The following NLGN1 variants were observed in gnomAD, a reference collection of about 807,000 sequenced individuals.
The protein encoded by NLGN1 is neuroligin-1.
Under a neutral mutation model 65.5 loss-of-function variants are expected in NLGN1, and 12 were observed. The observed-to-expected ratio is 0.18, with a 90% confidence interval of 0.12 to 0.30. The LOEUF (loss-of-function observed/expected upper bound fraction) is 0.30, where lower values mean the gene tolerates loss of function less well. NLGN1 is among the 10% of genes least tolerant of loss of function. The pLI, the probability that NLGN1 is intolerant of heterozygous loss-of-function variation, is 1.00. For synonymous variants in NLGN1, 350 were observed against 359.5 expected (o/e 0.97, Z 0.30); for missense variants, 750 against 1,007.1 (o/e 0.74, Z 3.46).
At chr3:174,238,740 G>A (rs990681314) in intron 4 of NLGN1, among the ~76,000 whole-genome samples, 8 of 152,094 alleles carry the variant, frequency 5.3e-5, no homozygotes, top group African/African-American at 1.9e-4. Flanking sequence ...TTATGACTTT[G>A]AACCCAATTT....
chr3:173,770,710 C>A (rs1779452959), intron 3 of NLGN1, among the ~76,000 whole-genome samples: 1 of 152,072 alleles, frequency 6.6e-6, no homozygotes, highest in Non-Finnish European at 1.5e-5. Context: ...AATGTATCGA[C>A]CTTTCAAAGT....
At chr3:173,640,500 C>CA (rs1242095280) in intron 3 of NLGN1, among the ~76,000 whole-genome samples, 1 of 152,058 alleles carries the variant, frequency 6.6e-6, no homozygotes, top group Non-Finnish European at 1.5e-5. Context: ...CAAAATACTT[C>CA]AATGCGTATC....
At chr3:174,019,154 A>G (rs577245612) in intron 4 of NLGN1, among the ~76,000 whole-genome samples, 1 of 152,304 alleles carries the variant, frequency 6.6e-6, no homozygotes, top group Non-Finnish European at 1.5e-5. Context: ...GTGTATTGAT[A>G]TACTACATAA....
intron 4 of NLGN1, among the ~76,000 whole-genome samples, chr3:174,197,534 A>C (rs1038233670): frequency 6.6e-6 from 1 of 151,086 alleles, no homozygotes; most frequent in Admixed American, 6.6e-5. Flanking sequence ...AAAAAAAAAA[A>C]AAAGGAGAAT....
At chr3:173,624,515 T>C (rs1577597957) in intron 3 of NLGN1, among the ~76,000 whole-genome samples, 1 of 152,122 alleles carries the variant, frequency 6.6e-6, no homozygotes, top group African/African-American at 2.4e-5. Flanking sequence ...CCTCCTACAA[T>C]GAATTAAGGA....
At chr3:173,755,534 A>G (rs1321486810) in intron 3 of NLGN1, among the ~76,000 whole-genome samples, 1 of 152,134 alleles carries the variant, frequency 6.6e-6, no homozygotes, top group East Asian at 1.9e-4. Context: ...CATGTGACTT[A>G]TAGATGCTGG....
At chr3:174,076,679 T>TAGAGAGAG (rs3979619) in intron 4 of NLGN1, among the ~76,000 whole-genome samples, 224 of 92,888 alleles carry the variant, frequency 2.4e-3, no homozygotes, top group African/African-American at 4.1e-3. Flanking sequence ...TCTGGGACCA[T>TAGAGAGAG]AGAGAGAGAG....
chr3:174,167,856 A>G (rs2152729123), intron 4 of NLGN1, among the ~76,000 whole-genome samples: 1 of 152,054 alleles, frequency 6.6e-6, no homozygotes, highest in South Asian at 2.1e-4. Context: ...CAGGTTTGCT[A>G]ACTTTACAAA....
chr3:173,778,981 TAAAC>T (rs1780727747), intron 3 of NLGN1, among the ~76,000 whole-genome samples: 1 of 151,494 alleles, frequency 6.6e-6, no homozygotes, highest in African/African-American at 2.4e-5. Context: ...CCTGGTATAA[TAAAC>T]AAGATAAGTG....
intron 4 of NLGN1, among the ~76,000 whole-genome samples, chr3:174,082,598 A>G (rs1156738084): frequency 1.3e-5 from 2 of 151,906 alleles, no homozygotes; most frequent in African/African-American, 4.8e-5. Context: ...CAATAGTAAA[A>G]GAATATATAC....
chr3:173,455,014 T>G (rs530119469), intron 2 of NLGN1, among the ~76,000 whole-genome samples: 1 of 152,014 alleles, frequency 6.6e-6, no homozygotes, highest in African/African-American at 2.4e-5. Flanking sequence ...GAATGGCCAG[T>G]TGGTGGAGCA....
chr3:174,046,831 A>T (rs1268439433), intron 4 of NLGN1, among the ~76,000 whole-genome samples: 1 of 152,052 alleles, frequency 6.6e-6, no homozygotes, highest in Non-Finnish European at 1.5e-5. Context: ...TTCCTTAATT[A>T]TATTTAGTGC....
intron 2 of NLGN1, among the ~76,000 whole-genome samples, chr3:173,451,583 A>G (rs925906517): frequency 7.2e-5 from 11 of 152,094 alleles, no homozygotes; most frequent in African/African-American, 1.7e-4. Context: ...ACTCTCTTCA[A>G]AGCTGTCAGA....
intron 4 of NLGN1, among the ~76,000 whole-genome samples, chr3:173,878,896 T>C (rs116744783): frequency 0.011 from 1,722 of 152,124 alleles, 37 homozygotes; most frequent in African/African-American, 0.036. Flanking sequence ...ACTCAGCATA[T>C]TGTTGCCTAA....
At chr3:173,398,789 C>T (rs746501246) in intron 1 of NLGN1, among the ~76,000 whole-genome samples, 1 of 152,152 alleles carries the variant, frequency 6.6e-6, no homozygotes, top group Non-Finnish European at 1.5e-5. Context: ...TACTCATTTT[C>T]CCTCTTTTTA....
chr3:173,425,205 A>G (rs188006820), intron 1 of NLGN1, among the ~76,000 whole-genome samples: 32 of 152,258 alleles, frequency 2.1e-4, no homozygotes, highest in Non-Finnish European at 3.7e-4. Flanking sequence ...CCATGATCTA[A>G]TCGCCTACCA....
intron 4 of NLGN1, among the ~76,000 whole-genome samples, chr3:174,014,056 T>C (rs904741246): frequency 2.6e-5 from 4 of 152,030 alleles, no homozygotes; most frequent in Non-Finnish European, 4.4e-5. Context: ...AGTACAAAGG[T>C]ATGGTTGATA....
chr3:173,572,738 T>C (rs1470068339), intron 2 of NLGN1, among the ~76,000 whole-genome samples: 2 of 152,210 alleles, frequency 1.3e-5, no homozygotes, highest in African/African-American at 4.8e-5. Context: ...TAGGGCATCC[T>C]GGGTATTTTC....
chr3:173,712,914 TAAG>T, intron 3 of NLGN1, among the ~76,000 whole-genome samples: 1 of 152,150 alleles, frequency 6.6e-6, no homozygotes, highest in South Asian at 2.1e-4. Context: ...AAAAAATTAA[TAAG>T]GAGAAAGGTA....
Sources: allele counts gnomAD v4.1 joint callset (sites outside exome capture counted in the v4.1 genomes callset), GRCh38; gene constraint gnomAD v4.1.1; transcripts MANE v1.5; gene names NCBI Gene and HGNC (gene_info 2026-07-23, HGNC 2026-07-21).